DDX31: variants seen among roughly 807,000 people sequenced by gnomAD.
DDX31 encodes DEAD-box helicase 31.
In DDX31, 70 loss-of-function variants were observed where a neutral mutation model predicts 91.3. That is an observed-to-expected ratio of 0.77 (90% CI 0.63 to 0.94). DDX31 has a LOEUF of 0.94. Among genes scored for constraint, DDX31 ranks in the 40% least tolerant of loss-of-function variants. The probability of loss-of-function intolerance (pLI) is 0.00; values close to 1 mark genes in which losing one functional copy is unlikely to be tolerated. For missense variants in DDX31, 902 were observed against 925.0 expected, an observed-to-expected ratio of 0.98 and a Z score of 0.32; for synonymous variants, 362 against 350.6, an observed-to-expected ratio of 1.03 and a Z score of -0.36.
At chr9:132,620,079 C>T (rs765584917) in intron 17 of DDX31, among the ~76,000 whole-genome samples, 22 of 151,928 alleles carry the variant, frequency 1.4e-4, no homozygotes, top group African/African-American at 2.9e-4. Context: ...CAGCCAGGAC[C>T]GAATAAGCAC....
At chr9:132,658,819 C>G in intron 5 of DDX31, 84 bp from the exon 6 acceptor site, 3 of 1,274,794 alleles carry the variant, frequency 2.4e-6, no homozygotes, top group Non-Finnish European at 3.3e-6. Flanking sequence ...GAAACAGGCT[C>G]TGCTATCTTC....
intron 13 of DDX31, among the ~76,000 whole-genome samples, chr9:132,645,005 G>C (rs892389946): frequency 6.6e-6 from 1 of 152,180 alleles, no homozygotes; most frequent in African/African-American, 2.4e-5. Flanking sequence ...GTTTAGGATC[G>C]TGTCAAACCT....
intron 19 of DDX31, among the ~76,000 whole-genome samples, chr9:132,602,380 GAC>G (rs1451915501): frequency 6.6e-6 from 1 of 152,190 alleles, no homozygotes. Context: ...GAGGAAGTGA[GAC>G]AGGGCAGACA....
intron 14 of DDX31, among the ~76,000 whole-genome samples, chr9:132,640,147 G>A (rs937480187): frequency 3.9e-5 from 6 of 152,182 alleles, no homozygotes; most frequent in South Asian, 2.1e-4. Flanking sequence ...GGGAAGGCAC[G>A]CAGACCAGGT....
intron 16 of DDX31, 102 bp from the exon 17 acceptor site, chr9:132,625,847 A>G: frequency 2.6e-6 from 2 of 774,908 alleles, no homozygotes; most frequent in South Asian, 3.4e-5. Context: ...TTAGACATGA[A>G]GTAGAAGTGA....
intron 6 of DDX31, among the ~76,000 whole-genome samples, chr9:132,653,141 AT>A (rs1834320713): frequency 6.6e-6 from 1 of 152,098 alleles, no homozygotes; most frequent in African/African-American, 2.4e-5. Context: ...AAGAGAACTA[AT>A]GTAAAATCTA....
chr9:132,631,848 T>G (rs1206032930), intron 15 of DDX31, among the ~76,000 whole-genome samples, 193 bp downstream of exon 15: 1 of 152,146 alleles, frequency 6.6e-6, no homozygotes, highest in Admixed American at 6.5e-5. Flanking sequence ...TTCTGGCTGT[T>G]TTGCTGCAGT....
chr9:132,666,329 A>G (rs905893610), intron 1 of DDX31, among the ~76,000 whole-genome samples: 3 of 151,978 alleles, frequency 2.0e-5, no homozygotes, highest in Admixed American at 1.3e-4. Context: ...CTTCATAATA[A>G]TTCTTAATTT....
intron 6 of DDX31, chr9:132,658,083 T>C: frequency 1.9e-6 from 1 of 532,108 alleles, no homozygotes; most frequent in East Asian, 2.8e-5. Context: ...CATGAATGGA[T>C]AGCTGCAAAA....
In DDX31 at chr9:132,594,930, G is replaced by A. The variant is rs751920815; in HGVS notation, c.2177C>T (p.Thr726Ile). ...TTTTTGGGTTTTTCTCCATTTTAAT[G>A]TTTTCCCACGGCCAAAGCAGGGTGT... ...QPTPCFGRGK[T>I]LKWRKTQKGV... is the part of the protein sequence containing the mutation. Residue 726 changes from threonine to isoleucine, a missense_variant, in exon 20 of 20, where the codon ACA (threonine) becomes ATA (isoleucine). By Grantham distance (89) the Thr-to-Ile change is moderately conservative. Coordinates refer to ENST00000372159, the MANE Select transcript of DDX31 (RefSeq NM_022779.9). 5.6e-6 allele frequency: 9 copies of A among 1,614,140 alleles called. No homozygotes were observed. The South Asian group carries it at 9.9e-5, about 18-fold the overall frequency.
rs573441549 is a variant in DDX31 at position 132,658,102 on chromosome 9, C to T, written c.588+569G>A. 5 of 555,780 alleles carry T rather than the reference C, an allele frequency of 9.0e-6. No individual in the cohort carries two copies. In the East Asian group the frequency reaches 1.4e-4, roughly 15 times the overall value. The allele number at this position is 555,780 out of a possible 1,614,324, so 34.4% of individuals were successfully genotyped here. ...AATGGATAGCTGCAAAACCAAATCA[C>T]CTTTATTGAGTGACCATTCTGTAAA... On this transcript the variant is annotated intron_variant, in intron 6 of 19. Coordinates refer to ENST00000372159, the MANE Select transcript of DDX31 (RefSeq NM_022779.9).
chr9:132,593,632 T>G lies in DDX31; in HGVS notation c.*1234A>C, dbSNP rs1830302195. 1 of 152,182 alleles carries G rather than the reference T, an allele frequency of 6.6e-6. No homozygotes were observed. Among genetic ancestry groups the G allele is most frequent in the Admixed American group, 6.5e-5 (1 of 15,282 alleles). The allele number at this position is 152,182 out of a possible 1,614,324, so 9.4% of individuals were successfully genotyped here. On this transcript the variant is annotated 3_prime_UTR_variant, in exon 20 of 20. Transcript: ENST00000372159. ...CCTCACACTGGAGTCTCCGCCAGTG[T>G]GGGTGCCCACTGACATTCACCTGTG...
chr9:132,644,796 A>G (rs1009404392), intron 13 of DDX31, among the ~76,000 whole-genome samples: 5 of 152,204 alleles, frequency 3.3e-5, no homozygotes, highest in Non-Finnish European at 7.3e-5. Context: ...AAAACCAACA[A>G]CTTTGATTGA....
chr9:132,601,501 C>T (rs961710572), intron 19 of DDX31, among the ~76,000 whole-genome samples: 3 of 152,186 alleles, frequency 2.0e-5, no homozygotes, highest in African/African-American at 7.2e-5. Context: ...AATGGCCATC[C>T]ATCATGGGGG....
chr9:132,615,570 G>C (rs1444489246), intron 18 of DDX31, among the ~76,000 whole-genome samples: 2 of 152,192 alleles, frequency 1.3e-5, no homozygotes, highest in Non-Finnish European at 2.9e-5. Context: ...GGGTTTTCTA[G>C]ACTTTGAGAA....
Position 132,650,355 on chromosome 9 carries a change from A to G in DDX31, c.676-57T>C, listed in dbSNP as rs551313711. On this transcript the variant is annotated intron_variant, in intron 8 of 19. Coordinates refer to ENST00000372159, the MANE Select transcript of DDX31 (RefSeq NM_022779.9). ...AAAGCCCCCTTTACTAACATCAGAC[A>G]TTGATTCCAAATTCCCTTTCCTTAA... 10 of 1,524,704 alleles carry G rather than the reference A, an allele frequency of 6.6e-6. No homozygotes were observed. The South Asian group carries it at 1.1e-4, about 17-fold the overall frequency. The allele number at this position is 1,524,704 out of a possible 1,614,324, so 94.4% of individuals were successfully genotyped here. A position where few individuals can be genotyped will look rare whatever the true frequency, so the allele number is the denominator to read the frequency against.
In DDX31 at chr9:132,650,314, A is replaced by C. The variant is rs750710698; in HGVS notation, c.676-16T>G. On this transcript the variant is annotated splice_polypyrimidine_tract_variant and intron_variant, in intron 8 of 19. Transcript: ENST00000372159. ...AGGTGAAAGGCTACAGAAAGACAGCAGACCACAGTCAGTGCAAAGCCCCCT... is the reference window on the plus strand; with the variant it reads ...AGGTGAAAGGCTACAGAAAGACAGCCGACCACAGTCAGTGCAAAGCCCCCT... 1.2e-5 allele frequency: 20 copies of C among 1,613,566 alleles called. 1 individual carries two copies. The Middle Eastern group carries it at 4.9e-4, about 40-fold the overall frequency.
At chr9:132,661,775 C>T (rs1834969665) in intron 3 of DDX31, among the ~76,000 whole-genome samples, 1 of 152,016 alleles carries the variant, frequency 6.6e-6, no homozygotes, top group Non-Finnish European at 1.5e-5. Context: ...TTAAAGTGTC[C>T]ATTTGTTTGT....
intron 19 of DDX31, among the ~76,000 whole-genome samples, chr9:132,609,154 C>T (rs1831186333): frequency 6.6e-6 from 1 of 152,104 alleles, no homozygotes; most frequent in Non-Finnish European, 1.5e-5. Flanking sequence ...ATGGCAAGAA[C>T]AGAGAGCGGC....
Sources: allele counts gnomAD v4.1 joint callset (sites outside exome capture counted in the v4.1 genomes callset), GRCh38; gene constraint gnomAD v4.1.1; transcripts MANE v1.5; gene names NCBI Gene and HGNC (gene_info 2026-07-23, HGNC 2026-07-21).